The following HMGB1 variants were observed in gnomAD, a reference collection of about 807,000 sequenced individuals.
The protein encoded by HMGB1 is high mobility group box 1, also known as high mobility group protein B1.
For synonymous variants in HMGB1, 81 were observed against 84.0 expected (o/e 0.96, Z 0.19); for missense variants, 79 against 253.5 (o/e 0.31, Z 4.67).
intron 1 of HMGB1, among the ~76,000 whole-genome samples, chr13:30,533,610 C>T (rs1038854343): frequency 3.3e-5 from 5 of 152,088 alleles, no homozygotes; most frequent in Non-Finnish European, 5.9e-5. Context: ...AGTGATCCAC[C>T]GGCCTCGGCC....
chr13:30,497,629 C>A (rs1359712668), intron 1 of HMGB1, among the ~76,000 whole-genome samples: 3 of 152,066 alleles, frequency 2.0e-5, no homozygotes, highest in Non-Finnish European at 4.4e-5. Flanking sequence ...AAGTAGGCCC[C>A]AGTGTCTCTT....
chr13:30,501,895 G>A (rs1887742707), intron 1 of HMGB1, among the ~76,000 whole-genome samples: 1 of 152,102 alleles, frequency 6.6e-6, no homozygotes. Context: ...GCTATGTTCA[G>A]TTACAACACC....
intron 1 of HMGB1, among the ~76,000 whole-genome samples, chr13:30,482,018 C>T (rs1020350184): frequency 3.3e-5 from 5 of 151,982 alleles, no homozygotes; most frequent in Admixed American, 6.6e-5. Context: ...TTAGTAGAAA[C>T]GGGGTTTCAC....
chr13:30,610,353 AG>A (rs1023149452), intron 1 of HMGB1, among the ~76,000 whole-genome samples: 2 of 152,248 alleles, frequency 1.3e-5, no homozygotes, highest in Admixed American at 1.3e-4. Context: ...CAACTCTAGA[AG>A]AGAGTGCTAG....
intron 1 of HMGB1, among the ~76,000 whole-genome samples, chr13:30,530,220 C>T (rs1203136521): frequency 6.6e-6 from 1 of 152,144 alleles, no homozygotes; most frequent in African/African-American, 2.4e-5. Flanking sequence ...AAGAATGTTG[C>T]ATAAAATTAC....
intron 1 of HMGB1, among the ~76,000 whole-genome samples, chr13:30,556,873 GT>G (rs528532114): frequency 2.8e-3 from 431 of 152,274 alleles, no homozygotes; most frequent in Non-Finnish European, 4.4e-3. Flanking sequence ...ACAATATATA[GT>G]TTCAAATAGC....
At chr13:30,527,024 G>A (rs1178635097) in intron 1 of HMGB1, among the ~76,000 whole-genome samples, 2 of 152,232 alleles carry the variant, frequency 1.3e-5, no homozygotes, top group Non-Finnish European at 2.9e-5. Flanking sequence ...TCCTTGGCCA[G>A]GAGGAGCCCG....
intron 1 of HMGB1, among the ~76,000 whole-genome samples, chr13:30,475,196 C>A (rs1321117503): frequency 9.1e-6 from 1 of 110,148 alleles, no homozygotes; most frequent in Non-Finnish European, 1.7e-5. Context: ...TGCAGTGATG[C>A]GACTTCAGCT....
intron 1 of HMGB1, among the ~76,000 whole-genome samples, chr13:30,590,591 A>G (rs1480956584): frequency 6.6e-6 from 1 of 152,254 alleles, no homozygotes; most frequent in Non-Finnish European, 1.5e-5. Context: ...GTGAGCAAAG[A>G]AATGACAAGC....
rs138480760 is a variant in HMGB1 at position 30,533,481 on chromosome 13, T to C, written c.-14-69787A>G. On this transcript the variant is annotated intron_variant, in intron 1 of 4. Coordinates refer to the HMGB1 transcript ENST00000405805. ...CTGGGTTCAAGTGATTCTCCTGCCT[T>C]AGCCTCCCAAGTAGCTGGGATTACA... is the stretch of plus-strand genomic sequence containing the variant. Among the ~76,000 whole-genome samples, 572 of 152,190 alleles carry C rather than the reference T, an allele frequency of 3.8e-3. 3 individuals carry two copies. The highest frequency in any genetic ancestry group is 5.2e-3 in the Non-Finnish European group (352 of 67,956).
intron 1 of HMGB1, among the ~76,000 whole-genome samples, chr13:30,583,188 A>T: frequency 6.6e-6 from 1 of 152,056 alleles, no homozygotes; most frequent in East Asian, 1.9e-4. Context: ...TTCTAAGCAT[A>T]AATCTAATAA....
At chr13:30,591,582 C>T (rs1181571141) in intron 1 of HMGB1, among the ~76,000 whole-genome samples, 2 of 151,124 alleles carry the variant, frequency 1.3e-5, no homozygotes, top group African/African-American at 4.9e-5. Flanking sequence ...ACAATCTTGG[C>T]TCACTGCAAC....
chr13:30,537,012 C>T (rs1381138563), intron 1 of HMGB1, among the ~76,000 whole-genome samples: 3 of 152,114 alleles, frequency 2.0e-5, no homozygotes, highest in African/African-American at 4.8e-5. Flanking sequence ...CTTCCCTGTT[C>T]GTATATTTGT....
intron 1 of HMGB1, among the ~76,000 whole-genome samples, chr13:30,481,186 C>T (rs1010071952): frequency 2.6e-5 from 4 of 151,778 alleles, no homozygotes; most frequent in Non-Finnish European, 4.4e-5. Flanking sequence ...CTCAAAAAAA[C>T]ACTTTCATGT....
intron 1 of HMGB1, among the ~76,000 whole-genome samples, chr13:30,565,931 T>G (rs2137529517): frequency 6.6e-6 from 1 of 152,338 alleles, no homozygotes; most frequent in East Asian, 1.9e-4. Context: ...GAGATTATGT[T>G]GCAAAGATGC....
intron 1 of HMGB1, among the ~76,000 whole-genome samples, chr13:30,503,274 G>A (rs1189568783): frequency 1.4e-4 from 21 of 152,010 alleles, no homozygotes; most frequent in Non-Finnish European, 1.6e-4. Context: ...AACCCGGGAG[G>A]TGGAGCTTGC....
At chr13:30,465,172 GC>G in intron 1 of HMGB1, 1 of 959,862 alleles carries the variant, frequency 1.0e-6, no homozygotes, top group Non-Finnish European at 1.2e-6. Flanking sequence ...GAGCGCAGCG[GC>G]GCCGCTCCCC....
intron 1 of HMGB1, among the ~76,000 whole-genome samples, chr13:30,474,844 CTCTT>C (rs1289549807): frequency 1.4e-5 from 2 of 139,944 alleles, no homozygotes; most frequent in East Asian, 2.2e-4. Flanking sequence ...CTCTCTCTCT[CTCTT>C]TTTTTGTTTT....
chr13:30,487,328 G>A (rs1887387055), intron 1 of HMGB1, among the ~76,000 whole-genome samples: 1 of 152,206 alleles, frequency 6.6e-6, no homozygotes, highest in South Asian at 2.1e-4. Flanking sequence ...TCATCTGCAA[G>A]GAGCGCCATG....
Sources: gnomAD v4.1 joint callset for allele counts (sites outside exome capture counted in the v4.1 genomes callset) on GRCh38, gnomAD v4.1.1 for gene constraint, MANE v1.5 for transcripts, NCBI Gene and HGNC (gene_info 2026-07-23, HGNC 2026-07-21) for gene names.